Variants in MID1 observed in about 807,000 individuals in gnomAD.
MID1 encodes E3 ubiquitin-protein ligase Midline-1.
MID1 carries 7 observed loss-of-function variants against 40.4 expected under a neutral mutation model. The observed-to-expected ratio is 0.17, with a 90% CI of 0.10 to 0.33. The LOEUF is 0.33. Among genes scored for constraint, MID1 ranks in the 10% least tolerant of loss-of-function variants. The pLI is 1.00. For missense variants in MID1, 367 were observed against 558.5 expected (o/e 0.66, Z 3.46); for synonymous variants, 229 against 221.2 (o/e 1.04, Z -0.31).
At chrX:10,645,468 A>G (rs1274703545) in intron 1 of MID1, among the ~76,000 whole-genome samples, 1 of 112,354 alleles carries the variant, frequency 8.9e-6, no homozygotes, top group Non-Finnish European at 1.9e-5. Context: ...GGTTGGTGCA[A>G]GAGTAGACTA....
At chrX:10,717,833 T>C (rs1458284371) in intron 1 of MID1, among the ~76,000 whole-genome samples, 1 of 110,986 alleles carries the variant, frequency 9.0e-6, no homozygotes, top group Non-Finnish European at 1.9e-5. Context: ...GAACAGAAAT[T>C]ATAACAAACT....
intron 1 of MID1, among the ~76,000 whole-genome samples, chrX:10,820,018 T>C (rs1356885772): frequency 8.9e-6 from 1 of 112,081 alleles, no homozygotes; most frequent in African/African-American, 3.2e-5. Flanking sequence ...CAAGCTTTTG[T>C]TTCATGGCTC....
chrX:10,598,812 G>A (rs1305815829), intron 1 of MID1, among the ~76,000 whole-genome samples: 2 of 111,956 alleles, frequency 1.8e-5, no homozygotes, highest in East Asian at 2.8e-4. Flanking sequence ...CTGGCCAACA[G>A]CTCGATTTCA....
intron 3 of MID1, chrX:10,505,540 T>A: frequency 1.3e-6 from 1 of 753,123 alleles, no homozygotes; most frequent in Non-Finnish European, 1.6e-6. Flanking sequence ...TAACCTGCCA[T>A]GGGTGTTTGT....
intron 4 of MID1, among the ~76,000 whole-genome samples, chrX:10,489,470 C>A (rs1170021835): frequency 1.8e-5 from 2 of 112,117 alleles, no homozygotes; most frequent in African/African-American, 3.2e-5. Flanking sequence ...TGCTCCAGCA[C>A]CAGTTACTAA....
chrX:10,465,214 TACACACACACAC>T (rs775197915), intron 7 of MID1, among the ~76,000 whole-genome samples: 11 of 39,897 alleles, frequency 2.8e-4, no homozygotes, highest in African/African-American at 5.7e-4. Flanking sequence ...TATATATATA[TACACACACACAC>T]ACACACACAC....
chrX:10,519,612 G>C (rs975794725), intron 3 of MID1, among the ~76,000 whole-genome samples: 1 of 111,756 alleles, frequency 8.9e-6, no homozygotes, highest in African/African-American at 3.3e-5. Flanking sequence ...AAGCTCACTG[G>C]ACAATCCTAA....
chrX:10,552,565 T>C (rs113701814), intron 2 of MID1, among the ~76,000 whole-genome samples: 1,145 of 111,459 alleles, frequency 0.01, 16 homozygotes, highest in African/African-American at 0.035. Flanking sequence ...CGTTATACTT[T>C]TTTATTTGTG....
chrX:10,751,607 G>C (rs1398667774), intron 1 of MID1, among the ~76,000 whole-genome samples: 2 of 111,776 alleles, frequency 1.8e-5, no homozygotes, highest in Non-Finnish European at 3.8e-5. Context: ...CTACAGCCTG[G>C]GTGACAGAGG....
At chrX:10,588,238 T>C (rs1214703091) in intron 1 of MID1, among the ~76,000 whole-genome samples, 2 of 112,790 alleles carry the variant, frequency 1.8e-5, no homozygotes, top group African/African-American at 6.4e-5. Flanking sequence ...AGGTATATTT[T>C]ACTTTTCTTA....
At chrX:10,486,912 T>C (rs1232679263) in intron 4 of MID1, among the ~76,000 whole-genome samples, 4 of 112,099 alleles carry the variant, frequency 3.6e-5, no homozygotes, top group Non-Finnish European at 7.5e-5. Flanking sequence ...TGTAGTAGCA[T>C]GATTACGGAT....
At chrX:10,829,078 A>C (rs190319995) in intron 1 of MID1, among the ~76,000 whole-genome samples, 70 of 112,404 alleles carry the variant, frequency 6.2e-4, no homozygotes, top group Non-Finnish European at 1.0e-3. Flanking sequence ...TATCAGTTCG[A>C]GTAAACTTGT....
intron 1 of MID1, among the ~76,000 whole-genome samples, chrX:10,675,370 A>G: frequency 8.9e-6 from 1 of 112,052 alleles, no homozygotes; most frequent in Non-Finnish European, 1.9e-5. Context: ...AAAAACAACA[A>G]CAAAGATTAC....
intron 1 of MID1, among the ~76,000 whole-genome samples, chrX:10,736,870 A>G (rs192154073): frequency 7.1e-4 from 80 of 112,282 alleles, no homozygotes; most frequent in Non-Finnish European, 1.3e-3. Flanking sequence ...ATGGTTCATG[A>G]TAATGTCCTA....
At chrX:10,792,998 G>C (rs1006405190) in intron 1 of MID1, among the ~76,000 whole-genome samples, 1 of 112,207 alleles carries the variant, frequency 8.9e-6, no homozygotes, top group East Asian at 2.8e-4. Flanking sequence ...ACAAATGTGG[G>C]AAGCAAGAGA....
chrX:10,681,235 T>A (rs1328182026), intron 1 of MID1, among the ~76,000 whole-genome samples: 1 of 111,092 alleles, frequency 9.0e-6, no homozygotes, highest in African/African-American at 3.3e-5. Context: ...GGCCTATCGC[T>A]AGTCCTTTTA....
chrX:10,716,173 A>C (rs1213687800), intron 1 of MID1, among the ~76,000 whole-genome samples: 1 of 112,376 alleles, frequency 8.9e-6, no homozygotes, highest in Non-Finnish European at 1.9e-5. Flanking sequence ...CCTCACCAGC[A>C]ATGGAACAAA....
chrX:10,608,467 G>A (rs1193380507), intron 1 of MID1, among the ~76,000 whole-genome samples: 2 of 111,491 alleles, frequency 1.8e-5, no homozygotes, highest in Non-Finnish European at 3.8e-5. Flanking sequence ...TTAAGTGAGC[G>A]GGAAAAAATG....
intron 1 of MID1, among the ~76,000 whole-genome samples, chrX:10,589,306 T>C (rs899179684): frequency 3.6e-5 from 4 of 111,124 alleles, no homozygotes; most frequent in African/African-American, 1.3e-4. Flanking sequence ...GTAGGCAAGT[T>C]CCTACTCAAA....
Sources: allele counts gnomAD v4.1 joint callset (sites outside exome capture counted in the v4.1 genomes callset), GRCh38; gene constraint gnomAD v4.1.1; transcripts MANE v1.5; gene names NCBI Gene and HGNC (gene_info 2026-07-23, HGNC 2026-07-21).